SIL1: variants seen among roughly 807,000 people sequenced by gnomAD.
SIL1 encodes nucleotide exchange factor SIL1.
SIL1 carries 40 observed loss-of-function variants against 49.1 expected under a neutral mutation model. The observed-to-expected ratio is 0.81, with a 90% CI of 0.63 to 1.06. The LOEUF (loss-of-function observed/expected upper bound fraction) is 1.06. Among genes scored for constraint, SIL1 ranks in the 50% least tolerant of loss-of-function variants. The probability of loss-of-function intolerance (pLI) is 0.00; values close to 1 mark genes in which losing one functional copy is unlikely to be tolerated. For synonymous variants in SIL1, 253 were observed against 250.8 expected, an observed-to-expected ratio of 1.01 and a Z score of -0.08; for missense variants, 500 against 572.6, an observed-to-expected ratio of 0.87 and a Z score of 1.29.
At chr5:139,185,302 C>T (rs1752058894) in intron 1 of SIL1, among the ~76,000 whole-genome samples, 1 of 152,162 alleles carries the variant, frequency 6.6e-6, no homozygotes, top group Non-Finnish European at 1.5e-5. Context: ...GGGCTCTGGC[C>T]ACCCAAGACC....
intron 3 of SIL1, among the ~76,000 whole-genome samples, chr5:139,107,346 A>G (rs553075590): frequency 6.6e-6 from 1 of 152,278 alleles, no homozygotes; most frequent in African/African-American, 2.4e-5. Flanking sequence ...ACATTATTCT[A>G]TTTTAGCTTT....
chr5:138,997,431 T>G (rs1205355623), intron 7 of SIL1, among the ~76,000 whole-genome samples: 1 of 152,228 alleles, frequency 6.6e-6, no homozygotes, highest in African/African-American at 2.4e-5. Flanking sequence ...TTGTTAAAAA[T>G]GGGTTGGCCG....
intron 5 of SIL1, 144 bp downstream of exon 5, chr5:139,042,476 T>C (rs1769067942): frequency 2.5e-6 from 2 of 785,840 alleles, no homozygotes; most frequent in South Asian, 1.5e-5. Context: ...GGGTTTCTTA[T>C]TTGTCATTAA....
chr5:139,038,813 C>T (rs1768975506), intron 5 of SIL1, among the ~76,000 whole-genome samples: 1 of 152,152 alleles, frequency 6.6e-6, no homozygotes, highest in African/African-American at 2.4e-5. Flanking sequence ...TTCCACTGGC[C>T]CCGCCCCAGA....
At chr5:139,113,327 A>AT (rs56337413) in intron 3 of SIL1, among the ~76,000 whole-genome samples, 1 of 150,682 alleles carries the variant, frequency 6.6e-6, no homozygotes, top group Non-Finnish European at 1.5e-5. Context: ...AAATAAATAA[A>AT]TTTAAAAAAA....
At chr5:139,170,770 G>T (rs1751741332) in intron 1 of SIL1, among the ~76,000 whole-genome samples, 1 of 151,600 alleles carries the variant, frequency 6.6e-6, no homozygotes, top group South Asian at 2.1e-4. Context: ...CCGTCCGGAA[G>T]GGAGGTGGGG....
intron 9 of SIL1, among the ~76,000 whole-genome samples, chr5:138,950,604 G>A (rs1423651391): frequency 6.6e-6 from 1 of 152,204 alleles, no homozygotes; most frequent in Non-Finnish European, 1.5e-5. Context: ...GCTGAATTAA[G>A]AATCCAGGCC....
chr5:139,078,604 C>T (rs1455647178), intron 3 of SIL1, among the ~76,000 whole-genome samples: 5 of 152,194 alleles, frequency 3.3e-5, no homozygotes, highest in Non-Finnish European at 5.9e-5. Context: ...CTTCTCTGCT[C>T]GGCCTCACAA....
chr5:139,068,236 G>A (rs1032551513), intron 3 of SIL1, among the ~76,000 whole-genome samples: 8 of 152,142 alleles, frequency 5.3e-5, no homozygotes, highest in African/African-American at 1.9e-4. Flanking sequence ...AAAGGTATTG[G>A]GAAGCAACAA....
intron 1 of SIL1, among the ~76,000 whole-genome samples, chr5:139,165,271 A>G (rs1751595657): frequency 6.6e-6 from 1 of 152,220 alleles, no homozygotes; most frequent in South Asian, 2.1e-4. Flanking sequence ...TCAGCCAGAA[A>G]ATGTTTAAAT....
intron 6 of SIL1, among the ~76,000 whole-genome samples, chr5:139,023,700 G>A (rs1359472969): frequency 6.6e-6 from 1 of 152,210 alleles, no homozygotes. Flanking sequence ...GAATGAGAAA[G>A]GACTGGGGAA....
intron 7 of SIL1, among the ~76,000 whole-genome samples, chr5:138,953,058 C>T (rs969316311): frequency 1.3e-5 from 2 of 152,242 alleles, no homozygotes; most frequent in Admixed American, 1.3e-4. Flanking sequence ...GCCAAGCCAG[C>T]AGTCAGATGG....
chr5:139,031,170 G>T (rs1375208016), intron 5 of SIL1, among the ~76,000 whole-genome samples: 1 of 151,960 alleles, frequency 6.6e-6, no homozygotes, highest in Non-Finnish European at 1.5e-5. Flanking sequence ...CTTACATTTG[G>T]TGCCATGTCA....
At chr5:139,092,982 G>A (rs1252992642) in intron 3 of SIL1, among the ~76,000 whole-genome samples, 3 of 152,156 alleles carry the variant, frequency 2.0e-5, no homozygotes, top group Non-Finnish European at 4.4e-5. Context: ...TTTCGCAAGA[G>A]TAGTTTATTA....
intron 7 of SIL1, among the ~76,000 whole-genome samples, chr5:139,002,209 T>C (rs1210017731): frequency 7.0e-6 from 1 of 143,594 alleles, no homozygotes; most frequent in South Asian, 2.2e-4. Context: ...AGAACCTGTC[T>C]CAAAAAAAAA....
intron 3 of SIL1, among the ~76,000 whole-genome samples, chr5:139,096,077 G>A (rs1050477419): frequency 6.6e-6 from 1 of 152,114 alleles, no homozygotes. Context: ...GATTGCTAAC[G>A]CCCACCCCCC....
intron 1 of SIL1, among the ~76,000 whole-genome samples, chr5:139,168,123 G>A (rs1383508158): frequency 6.6e-6 from 1 of 152,184 alleles, no homozygotes; most frequent in Non-Finnish European, 1.5e-5. Context: ...TTTAGCCTAG[G>A]AGCAAGAGGC....
At chr5:139,055,458 C>T (rs571806587) in intron 3 of SIL1, among the ~76,000 whole-genome samples, 2 of 152,200 alleles carry the variant, frequency 1.3e-5, no homozygotes, top group African/African-American at 4.8e-5. Flanking sequence ...CTTCTCACAC[C>T]TTGACTTTGG....
At chr5:139,058,681 C>T (rs1424051024) in intron 3 of SIL1, among the ~76,000 whole-genome samples, 1 of 152,160 alleles carries the variant, frequency 6.6e-6, no homozygotes, top group Non-Finnish European at 1.5e-5. Context: ...CAGGTTGGCT[C>T]TTACATTCCT....
Sources: allele counts gnomAD v4.1 joint callset (sites outside exome capture counted in the v4.1 genomes callset), GRCh38; gene constraint gnomAD v4.1.1; transcripts MANE v1.5; gene names NCBI Gene and HGNC (gene_info 2026-07-23, HGNC 2026-07-21).